The following TENM2 variants were observed in gnomAD, a reference collection of about 807,000 sequenced individuals.
TENM2 encodes the protein teneurin transmembrane protein 2, also known as teneurin-2.
A neutral mutation model predicts 245.2 loss-of-function variants in TENM2; 52 were observed. That is an observed-to-expected ratio of 0.21 (90% confidence interval 0.17 to 0.27). The LOEUF is 0.27. TENM2 is among the 10% of genes least tolerant of loss of function. The probability of loss-of-function intolerance (pLI) is 1.00; values close to 1 mark genes in which losing one functional copy is unlikely to be tolerated. For synonymous variants in TENM2, 1,363 were observed against 1,438.9 expected (o/e 0.95, Z 1.19); for missense variants, 3,046 against 3,666.8 (o/e 0.83, Z 4.37).
intron 2 of TENM2, among the ~76,000 whole-genome samples, 195 bp from the exon 5 acceptor site, chr5:167,875,791 T>C (rs1360915624): frequency 1.3e-5 from 2 of 152,160 alleles, no homozygotes; most frequent in Non-Finnish European, 2.9e-5. Context: ...TTCTGAAATA[T>C]GCAACTACCT....
chr5:167,665,373 T>G (rs1479265673), intron 2 of TENM2, among the ~76,000 whole-genome samples: 1 of 152,016 alleles, frequency 6.6e-6, no homozygotes, highest in African/African-American at 2.4e-5. Flanking sequence ...ACCAAAAAAG[T>G]GGCTGCGATC....
chr5:167,062,003 C>T, the TENM2 span, among the ~76,000 whole-genome samples: 1 of 151,732 alleles, frequency 6.6e-6, no homozygotes, highest in African/African-American at 2.4e-5. Context: ...TATGAAATTG[C>T]AGGGATGTGC....
At chr5:167,036,618 C>T in the TENM2 span, among the ~76,000 whole-genome samples, 1 of 152,150 alleles carries the variant, frequency 6.6e-6, no homozygotes, top group Admixed American at 6.5e-5. Flanking sequence ...TCCCCTCACC[C>T]CTCCCCAGAA....
chr5:167,965,207 T>G (rs1210046805), intron 4 of TENM2: 1 of 152,164 alleles, frequency 6.6e-6, no homozygotes, highest in Non-Finnish European at 1.5e-5. Context: ...TGAATAGCAA[T>G]GTCATGTGCT....
chr5:168,234,740 T>C (rs911185130), intron 25 of TENM2, among the ~76,000 whole-genome samples: 4 of 152,140 alleles, frequency 2.6e-5, no homozygotes, highest in Admixed American at 6.5e-5. Flanking sequence ...TCTTTCTTTG[T>C]AAAGGAAAGC....
chr5:168,133,890 C>T (rs1266857985), intron 12 of TENM2, among the ~76,000 whole-genome samples: 1 of 152,188 alleles, frequency 6.6e-6, no homozygotes, highest in East Asian at 1.9e-4. Flanking sequence ...CGTGGTGGCT[C>T]ATGCCTGTAA....
chr5:167,280,482 T>G (rs1347841271), upstream of TENM2, among the ~76,000 whole-genome samples: 2 of 152,150 alleles, frequency 1.3e-5, no homozygotes, highest in Non-Finnish European at 2.9e-5. Context: ...TGGTTGAGGT[T>G]GGTGTCTACT....
intron 6 of TENM2, among the ~76,000 whole-genome samples, chr5:168,061,466 C>T (rs942234919): frequency 6.6e-6 from 1 of 152,140 alleles, no homozygotes; most frequent in African/African-American, 2.4e-5. Context: ...ATATTTTCAA[C>T]ATAAGCAATT....
At chr5:167,044,884 GT>G in the TENM2 span, among the ~76,000 whole-genome samples, 16 of 152,340 alleles carry the variant, frequency 1.1e-4, 1 homozygote, top group South Asian at 1.4e-3. Flanking sequence ...CAAGAGAGAA[GT>G]TAGGCAAAAC....
At chr5:168,262,803 A>G in exon 29 of TENM2, 1 of 1,598,064 alleles carries the variant, frequency 6.3e-7, no homozygotes, top group Non-Finnish European at 8.5e-7. Context: ...GAGATGGGAA[A>G]GAGGTAACAA....
chr5:167,797,663 T>C (rs1207171591), intron 2 of TENM2, among the ~76,000 whole-genome samples: 2 of 152,238 alleles, frequency 1.3e-5, no homozygotes, highest in African/African-American at 2.4e-5. Context: ...CAAATTGTAC[T>C]ATTTACCTGT....
At chr5:167,718,008 A>G (rs1453950866) in intron 2 of TENM2, among the ~76,000 whole-genome samples, 2 of 152,246 alleles carry the variant, frequency 1.3e-5, no homozygotes, top group East Asian at 1.9e-4. Flanking sequence ...TAAATAGGTG[A>G]TCTTTGAAGG....
intron 13 of TENM2, among the ~76,000 whole-genome samples, chr5:168,177,449 G>A (rs761539601): frequency 1.1e-4 from 16 of 152,180 alleles, no homozygotes; most frequent in Non-Finnish European, 1.5e-5. Context: ...TTGCTGACCT[G>A]GGGTTGAACA....
the TENM2 span, among the ~76,000 whole-genome samples, chr5:167,127,710 G>A: frequency 6.6e-6 from 1 of 150,384 alleles, no homozygotes; most frequent in African/African-American, 2.5e-5. Flanking sequence ...AGCTGCTTAC[G>A]TTCATTGGCA....
chr5:167,155,320 C>G, the TENM2 span, among the ~76,000 whole-genome samples: 1 of 152,202 alleles, frequency 6.6e-6, no homozygotes, highest in Admixed American at 6.5e-5. Flanking sequence ...CAAGCCTCCA[C>G]TCCACTCCCC....
At chr5:167,658,210 CTT>C (rs147052272) in intron 2 of TENM2, among the ~76,000 whole-genome samples, 34 of 139,464 alleles carry the variant, frequency 2.4e-4, no homozygotes, top group South Asian at 2.3e-4. Context: ...TGTGCGAAGC[CTT>C]TTTTTTTTTT....
intron 3 of TENM2, among the ~76,000 whole-genome samples, chr5:167,930,133 A>G (rs1276271631): frequency 1.3e-5 from 2 of 152,212 alleles, no homozygotes; most frequent in Non-Finnish European, 2.9e-5. Flanking sequence ...TTTCTTCCAG[A>G]GCAGACCAGA....
chr5:168,122,609 T>C (rs1015354082), intron 10 of TENM2, among the ~76,000 whole-genome samples: 3 of 152,086 alleles, frequency 2.0e-5, no homozygotes, highest in Non-Finnish European at 4.4e-5. Flanking sequence ...CCCGAGACAA[T>C]GAATTCAACT....
At chr5:167,150,014 A>G in the TENM2 span, among the ~76,000 whole-genome samples, 1 of 152,212 alleles carries the variant, frequency 6.6e-6, no homozygotes, top group East Asian at 1.9e-4. Flanking sequence ...CAGGACAAGG[A>G]AAACACCCAG....
Sources: allele counts gnomAD v4.1 joint callset (sites outside exome capture counted in the v4.1 genomes callset), GRCh38; gene constraint gnomAD v4.1.1; transcripts MANE v1.5; gene names NCBI Gene and HGNC (gene_info 2026-07-23, HGNC 2026-07-21).